The following ACYP2 variants were observed in gnomAD, a reference collection of about 807,000 sequenced individuals.
ACYP2 encodes acylphosphatase-2.
In ACYP2, 12 loss-of-function variants were observed where a neutral mutation model predicts 11.2. The ratio of observed to expected loss-of-function variants is 1.08; its 90% CI spans 0.69 to 1.74. The LOEUF is 1.74. ACYP2 is among the 40% of genes most tolerant of loss of function. The pLI, the probability that ACYP2 is intolerant of heterozygous loss-of-function variation, is 0.00. For missense variants in ACYP2, 134 were observed against 101.9 expected, an observed-to-expected ratio of 1.31 and a Z score of -1.35; for synonymous variants, 43 against 32.2, an observed-to-expected ratio of 1.33 and a Z score of -1.13.
intron 4 of ACYP2, among the ~76,000 whole-genome samples, chr2:54,095,097 C>T (rs1357049966): frequency 6.6e-6 from 1 of 151,360 alleles, no homozygotes; most frequent in Admixed American, 6.6e-5. Flanking sequence ...TCTTAACGAG[C>T]ATGCTGCCTT....
rs1385832620 is a variant in ACYP2 at position 54,219,817 on chromosome 2, ATG to A, written c.404+81079_404+81080del. ...TGTGTGTGTGTGTGTGTGTTTGTGTATGTGTGTGTGTATATATATGTGTATGT... is the reference window on the plus strand; with the variant it reads ...TGTGTGTGTGTGTGTGTGTTTGTGTATGTGTGTGTATATATATGTGTATGT... On this transcript the variant is annotated intron_variant, in intron 6 of 6. Transcript: ENST00000607452. Among the ~76,000 whole-genome samples, 9 of 115,626 alleles carry A rather than the reference ATG, an allele frequency of 7.8e-5. No homozygotes were observed. The South Asian group carries it at 1.1e-3, about 14-fold the overall frequency. The allele number at this position is 115,626 out of a possible 152,430, so 75.9% of individuals were successfully genotyped here.
chr2:54,076,793 A>C (rs1031662114), intron 4 of ACYP2, among the ~76,000 whole-genome samples: 44 of 152,086 alleles, frequency 2.9e-4, no homozygotes, highest in African/African-American at 1.0e-3. Context: ...GCCCCTTAGG[A>C]GTGGTCAAAT....
At chr2:54,054,208 C>G (rs745343714) in intron 3 of ACYP2, among the ~76,000 whole-genome samples, 4 of 152,150 alleles carry the variant, frequency 2.6e-5, no homozygotes, top group African/African-American at 7.2e-5. Flanking sequence ...AATAAGATAA[C>G]TTATTCTGGG....
chr2:53,980,673 A>G (rs1573436580), intron 2 of ACYP2, among the ~76,000 whole-genome samples: 1 of 152,136 alleles, frequency 6.6e-6, no homozygotes, highest in Non-Finnish European at 1.5e-5. Context: ...CACCCACCAC[A>G]TACTCAGTCA....
intron 6 of ACYP2, among the ~76,000 whole-genome samples, chr2:54,185,929 T>C (rs1417058060): frequency 1.3e-5 from 2 of 151,848 alleles, no homozygotes; most frequent in African/African-American, 4.8e-5. Context: ...AGGTAAATTG[T>C]TAAAATACAG....
At chr2:54,011,447 A>G (rs988927171) in intron 2 of ACYP2, among the ~76,000 whole-genome samples, 1 of 152,162 alleles carries the variant, frequency 6.6e-6, no homozygotes, top group Non-Finnish European at 1.5e-5. Flanking sequence ...TTTGTGTTAC[A>G]TTTTCCTCCA....
Position 54,282,945 on chromosome 2 carries a change from A to G in ACYP2, c.405-21743A>G, listed in dbSNP as rs1445317608. 3.9e-5 allele frequency among the ~76,000 whole-genome samples: 6 copies of G among 152,194 alleles called. No individual in the cohort carries two copies. The East Asian group carries it at 5.8e-4, about 15-fold the overall frequency. Reference sequence around the variant, plus strand: ...AGCTTTCACTTCCTGCTTCCTGTATATCCTGTTTGAAGTTTTACAATGATC... The same window carrying G: ...AGCTTTCACTTCCTGCTTCCTGTATGTCCTGTTTGAAGTTTTACAATGATC... On this transcript the variant is annotated intron_variant, in intron 6 of 6. Coordinates refer to ENST00000607452, the MANE Select transcript of ACYP2 (RefSeq NM_001320586.2).
intron 4 of ACYP2, among the ~76,000 whole-genome samples, chr2:54,133,898 A>G (rs1681073095): frequency 6.6e-6 from 1 of 152,188 alleles, no homozygotes; most frequent in Non-Finnish European, 1.5e-5. Context: ...GAAGTCCCAT[A>G]GTATTCTTGA....
At chr2:54,102,063 C>A (rs1280014964) in intron 4 of ACYP2, among the ~76,000 whole-genome samples, 1 of 152,094 alleles carries the variant, frequency 6.6e-6, no homozygotes, top group Non-Finnish European at 1.5e-5. Context: ...CCAAAAAATC[C>A]CCTGTGCCTC....
intron 6 of ACYP2, among the ~76,000 whole-genome samples, chr2:54,252,650 G>C (rs1037477550): frequency 6.6e-6 from 1 of 151,918 alleles, no homozygotes; most frequent in African/African-American, 2.4e-5. Context: ...TATACCATTG[G>C]CATAAAATAA....
chr2:54,024,000 T>C (rs1674145030), intron 2 of ACYP2, among the ~76,000 whole-genome samples: 1 of 151,786 alleles, frequency 6.6e-6, no homozygotes, highest in South Asian at 2.1e-4. Context: ...AAAAAGAAAA[T>C]ACAGAGCAAT....
At chr2:54,301,399 TATATA>T (rs933105232) in intron 6 of ACYP2, among the ~76,000 whole-genome samples, 1 of 152,172 alleles carries the variant, frequency 6.6e-6, no homozygotes, top group African/African-American at 2.4e-5. Flanking sequence ...CTTCTCCCTT[TATATA>T]ATATAAATCA....
chr2:54,033,151 T>A (rs565736440), intron 2 of ACYP2, among the ~76,000 whole-genome samples: 1 of 151,034 alleles, frequency 6.6e-6, no homozygotes, highest in African/African-American at 2.4e-5. Flanking sequence ...CTCACAGAGA[T>A]ATGAGTGTGG....
At chr2:54,222,966 CT>C in intron 6 of ACYP2, 1 of 152,310 alleles carries the variant, frequency 6.6e-6, no homozygotes, top group African/African-American at 2.4e-5. Context: ...CACCATGCCC[CT>C]TTTCATATTC....
chr2:54,058,684 A>G (rs2103627478), intron 4 of ACYP2, among the ~76,000 whole-genome samples: 1 of 151,858 alleles, frequency 6.6e-6, no homozygotes, highest in South Asian at 2.1e-4. Flanking sequence ...TTTAGATAAA[A>G]CATGAGAGGG....
chr2:54,244,832 C>A (rs1686880275), intron 6 of ACYP2, among the ~76,000 whole-genome samples: 1 of 152,048 alleles, frequency 6.6e-6, no homozygotes, highest in African/African-American at 2.4e-5. Context: ...GCTTAGTGAT[C>A]AGATCAGGAT....
chr2:54,090,030 C>T (rs1031170661), intron 4 of ACYP2, among the ~76,000 whole-genome samples: 2 of 151,044 alleles, frequency 1.3e-5, no homozygotes, highest in African/African-American at 4.9e-5. Context: ...CCTGTAATCC[C>T]AGTACTCAGG....
intron 2 of ACYP2, among the ~76,000 whole-genome samples, chr2:53,993,243 T>C (rs1435669236): frequency 6.6e-6 from 1 of 152,114 alleles, no homozygotes; most frequent in Admixed American, 6.6e-5. Context: ...TGAGAGATGC[T>C]AGCCCATCTT....
At chr2:54,174,694 T>G (rs7564849) in intron 6 of ACYP2, among the ~76,000 whole-genome samples, 20,536 of 152,040 alleles carry the variant, frequency 0.14, 3,307 homozygotes, top group African/African-American at 0.39. Context: ...TTTGAGATAT[T>G]TTCCATCAAT....
Sources: gnomAD v4.1 joint callset for allele counts (sites outside exome capture counted in the v4.1 genomes callset) on GRCh38, gnomAD v4.1.1 for gene constraint, MANE v1.5 for transcripts, NCBI Gene and HGNC (gene_info 2026-07-23, HGNC 2026-07-21) for gene names.